Variants in LAMA2 observed in about 807,000 individuals in gnomAD.
LAMA2 encodes laminin subunit alpha 2.
In LAMA2, 269 loss-of-function variants were observed where a neutral mutation model predicts 364.8. The observed-to-expected ratio is 0.74, with a 90% CI of 0.67 to 0.82. LAMA2 has a LOEUF of 0.82. LAMA2 is among the 40% of genes least tolerant of loss of function. The pLI is 0.00. For missense variants in LAMA2, 3,807 were observed against 3,873.2 expected (o/e 0.98, Z 0.45); for synonymous variants, 1,379 against 1,370.6 (o/e 1.01, Z -0.14).
chr6:129,263,199 A>G (rs977273869), intron 15 of LAMA2, among the ~76,000 whole-genome samples: 1 of 152,166 alleles, frequency 6.6e-6, no homozygotes, highest in Non-Finnish European at 1.5e-5. Context: ...ATTTTGAGAC[A>G]AACAAGACCC....
At chr6:129,074,570 T>C (rs369840324) in intron 3 of LAMA2, among the ~76,000 whole-genome samples, 3 of 152,224 alleles carry the variant, frequency 2.0e-5, no homozygotes, top group Non-Finnish European at 2.9e-5. Context: ...CTGCTGTTTT[T>C]AGTATTTTAT....
intron 12 of LAMA2, among the ~76,000 whole-genome samples, chr6:129,193,570 T>G (rs1016253426): frequency 2.0e-5 from 3 of 152,244 alleles, no homozygotes; most frequent in Non-Finnish European, 4.4e-5. Context: ...CCTAATACTT[T>G]GTTGGAAACA....
intron 1 of LAMA2, among the ~76,000 whole-genome samples, chr6:128,899,489 T>C (rs577986782): frequency 1.0e-3 from 152 of 152,350 alleles, no homozygotes; most frequent in Middle Eastern, 3.4e-3. Context: ...ATTGTTTCTG[T>C]TGCTTTATCT....
At chr6:129,192,572 T>A in intron 11 of LAMA2, 108 bp from the exon 12 acceptor site, 1 of 1,070,724 alleles carries the variant, frequency 9.3e-7, no homozygotes, top group Non-Finnish European at 1.4e-6. Context: ...GTGGTTTGGT[T>A]TTTTTTGTTT....
At chr6:129,114,132 G>A (rs1397072990) in intron 4 of LAMA2, among the ~76,000 whole-genome samples, 1 of 151,988 alleles carries the variant, frequency 6.6e-6, no homozygotes, top group Admixed American at 6.6e-5. Flanking sequence ...AAAATTGGAT[G>A]CAGATCAAAT....
intron 40 of LAMA2, among the ~76,000 whole-genome samples, chr6:129,419,150 G>C (rs1244395544): frequency 6.6e-6 from 1 of 151,972 alleles, no homozygotes; most frequent in East Asian, 1.9e-4. Flanking sequence ...CCCAGCCTTA[G>C]ATGTATTTAA....
At position 129,465,293 on chromosome 6, in the gene LAMA2, A is replaced by AGTT. The variant is rs2114810047; in HGVS notation, c.7300+5_7300+7dup. ...CTGTCAAGAATTCAAAAACAAGGTG[A>AGTT]GTTTTTACAGTAATAATGCAATATA... On this transcript the variant is annotated splice_donor_region_variant and intron_variant, in intron 51 of 64. Transcript: ENST00000421865. 6.2e-7 allele frequency: 1 copy of AGTT among 1,605,870 alleles called. No homozygotes were observed. The highest frequency in any genetic ancestry group is 1.1e-5 in the South Asian group (1 of 90,946).
At chr6:129,437,563 G>A (rs1196859865) in intron 41 of LAMA2, among the ~76,000 whole-genome samples, 1 of 151,830 alleles carries the variant, frequency 6.6e-6, no homozygotes, top group African/African-American at 2.4e-5. Flanking sequence ...TAAACAATTA[G>A]TACGCATGTC....
At chr6:129,343,510 G>T (rs1033587394) in intron 30 of LAMA2, among the ~76,000 whole-genome samples, 1 of 152,056 alleles carries the variant, frequency 6.6e-6, no homozygotes, top group African/African-American at 2.4e-5. Context: ...TGGTCTTATT[G>T]TTCATCCAGG....
At chr6:129,106,599 C>A (rs904737246) in intron 4 of LAMA2, among the ~76,000 whole-genome samples, 1 of 151,868 alleles carries the variant, frequency 6.6e-6, no homozygotes, top group African/African-American at 2.4e-5. Context: ...CAATCAGTAC[C>A]TGGAGCAACA....
In LAMA2 at chr6:129,315,441, A is replaced by T. The variant is rs574121718; in HGVS notation, c.3556-35A>T. 4.3e-5 allele frequency: 69 copies of T among 1,599,368 alleles called. No individual in the cohort carries two copies. In the East Asian group the frequency reaches 1.5e-3, roughly 35 times the overall value. ...GTTTTAAAGAAATGTCCAAAGCGTA[A>T]ATTCAGCCTTCTGCTGTATTTTGAC... is the stretch of plus-strand genomic sequence containing the variant. On this transcript the variant is annotated intron_variant, in intron 24 of 64. Coordinates refer to ENST00000421865, the MANE Select transcript of LAMA2 (RefSeq NM_000426.4).
intron 1 of LAMA2, among the ~76,000 whole-genome samples, chr6:128,965,943 A>T (rs1407550498): frequency 6.9e-6 from 1 of 145,512 alleles, no homozygotes; most frequent in African/African-American, 2.5e-5. Context: ...GTTGAAATAT[A>T]GCTTGCTCTT....
chr6:129,409,856 A>G (rs1203074416), intron 40 of LAMA2, among the ~76,000 whole-genome samples: 1 of 152,172 alleles, frequency 6.6e-6, no homozygotes, highest in Non-Finnish European at 1.5e-5. Flanking sequence ...CTTTCAGGTC[A>G]CTCAATAAAT....
At chr6:129,150,948 A>T (rs540749627) in intron 7 of LAMA2, among the ~76,000 whole-genome samples, 45 of 152,234 alleles carry the variant, frequency 3.0e-4, no homozygotes, top group Non-Finnish European at 5.3e-4. Flanking sequence ...GATTTTCATC[A>T]ATCTAGCTTA....
chr6:129,420,311 G>A (rs1168016655), intron 40 of LAMA2, among the ~76,000 whole-genome samples: 1 of 151,936 alleles, frequency 6.6e-6, no homozygotes, highest in Non-Finnish European at 1.5e-5. Flanking sequence ...CCTTGATTTT[G>A]ATTCATAGTC....
intron 12 of LAMA2, among the ~76,000 whole-genome samples, chr6:129,208,433 T>G (rs1445069488): frequency 1.3e-5 from 2 of 150,914 alleles, no homozygotes; most frequent in African/African-American, 2.4e-5. Context: ...TGTTGAAATT[T>G]TAGAAAGACT....
At chr6:129,083,417 A>G (rs1774186550) in intron 3 of LAMA2, among the ~76,000 whole-genome samples, 1 of 152,178 alleles carries the variant, frequency 6.6e-6, no homozygotes, top group Non-Finnish European at 1.5e-5. Flanking sequence ...ATGAGAGCCC[A>G]CAATGTTGCC....
chr6:129,361,194 T>A (rs1777438763), intron 32 of LAMA2, among the ~76,000 whole-genome samples: 1 of 152,122 alleles, frequency 6.6e-6, no homozygotes, highest in Non-Finnish European at 1.5e-5. Flanking sequence ...CCAAAATACA[T>A]CTTCACTAGA....
chr6:128,883,268 T>G lies in LAMA2; in HGVS notation c.23T>G (p.Leu8Arg). MPGAAGV[L>R]LLLLLSGGLG... is the part of the protein sequence containing the mutation. ...ACGATGCCGGGAGCCGCCGGGGTCCTCCTCCTTCTGCTGCTCTCCGGAGGC... is the reference window on the plus strand; with the variant it reads ...ACGATGCCGGGAGCCGCCGGGGTCCGCCTCCTTCTGCTGCTCTCCGGAGGC... Residue 8 changes from leucine to arginine, a missense_variant, in exon 1 of 65, where the codon CTC becomes CGC. Leu to Arg is a moderately radical substitution (Grantham distance 102, BLOSUM62 -2). Around this residue, in one of 3 missense-constraint regions of LAMA2, gnomAD observed 394 missense variants for 403.5 expected, o/e 0.98. Transcript: ENST00000421865. 1 of 1,562,106 alleles carries G rather than the reference T, an allele frequency of 6.4e-7. No homozygotes were observed. The highest frequency in any genetic ancestry group is 1.4e-5 in the African/African-American group (1 of 73,890).
Sources: gnomAD v4.1 joint callset for allele counts (sites outside exome capture counted in the v4.1 genomes callset) on GRCh38, gnomAD v4.1.1 for gene constraint, gnomAD v4.1.1 regional missense constraint, MANE v1.5 for transcripts, NCBI Gene and HGNC (gene_info 2026-07-23, HGNC 2026-07-21) for gene names.